The following MBNL3 variants were observed in gnomAD, a reference collection of about 807,000 sequenced individuals.
MBNL3 encodes the protein muscleblind like splicing regulator 3.
MBNL3 carries 6 observed loss-of-function variants against 24.5 expected under a neutral mutation model. The ratio of observed to expected loss-of-function variants is 0.25; its 90% CI spans 0.13 to 0.48. The LOEUF is 0.48. Among genes scored for constraint, MBNL3 ranks in the 20% least tolerant of loss-of-function variants. MBNL3 has a pLI of 0.99. For missense variants in MBNL3, 230 were observed against 293.5 expected (o/e 0.78, Z 1.58); for synonymous variants, 100 against 101.7 (o/e 0.98, Z 0.10).
intron 1 of MBNL3, among the ~76,000 whole-genome samples, chrX:132,483,687 G>A (rs914191745): frequency 8.9e-6 from 1 of 112,099 alleles, no homozygotes; most frequent in South Asian, 3.7e-4. Context: ...AATTGCAAGC[G>A]CTAAACCTAA....
Position 132,382,205 on chromosome X carries a change from C to T in MBNL3, c.1026G>A (p.Pro342=), listed in dbSNP as rs776794590. The change falls in exon 8 of 9, where the codon CCG becomes CCA. Residue 342 remains proline, a synonymous_variant. Coordinates refer to ENST00000370853, the MANE Select transcript of MBNL3 (RefSeq NM_001386889.1). ...SAATTPATSV[P]FAAPTTGNQL... is the part of the protein sequence containing the mutation. The stretch of plus-strand genomic sequence containing the variant: ...GATTGCCTGTAGTTGGTGCAGCGAA[C>T]GGAACGCTGGTGGCAGGTGTTGTTG... The T allele has an allele frequency of 1.7e-6, 2 of 1,210,492 alleles. No homozygotes were observed. Among genetic ancestry groups the T allele is most frequent in the Non-Finnish European group, 2.2e-6 (2 of 894,690 alleles).
intron 1 of MBNL3, among the ~76,000 whole-genome samples, chrX:132,443,011 T>G (rs1208973149): frequency 1.8e-5 from 2 of 112,161 alleles, no homozygotes; most frequent in Admixed American, 9.5e-5. Context: ...AGTTTTGTTT[T>G]GGGGATAATA....
intron 1 of MBNL3, among the ~76,000 whole-genome samples, chrX:132,462,038 G>A (rs895471442): frequency 9.0e-6 from 1 of 111,710 alleles, no homozygotes; most frequent in Non-Finnish European, 1.9e-5. Context: ...ATGATCTACA[G>A]GCCAACTCCC....
chrX:132,412,007 A>G (rs750113437), intron 2 of MBNL3, among the ~76,000 whole-genome samples: 2 of 111,937 alleles, frequency 1.8e-5, no homozygotes, highest in East Asian at 5.6e-4. Context: ...TAGTCAACAC[A>G]TGACTGAGGC....
intron 1 of MBNL3, among the ~76,000 whole-genome samples, chrX:132,454,834 G>T (rs1946290963): frequency 8.9e-6 from 1 of 112,326 alleles, no homozygotes; most frequent in Admixed American, 9.4e-5. Flanking sequence ...AATGCTGGGA[G>T]CACAGACAGG....
chrX:132,463,160 T>A, intron 1 of MBNL3, among the ~76,000 whole-genome samples: 1 of 112,774 alleles, frequency 8.9e-6, no homozygotes, highest in East Asian at 2.8e-4. Flanking sequence ...ACTTGGAAGC[T>A]GATTGAATAT....
At chrX:132,430,267 A>G (rs1468319753) in intron 2 of MBNL3, 1 of 111,602 alleles carries the variant, frequency 9.0e-6, no homozygotes, top group Non-Finnish European at 1.9e-5. Context: ...CAAAAATAAT[A>G]CCTGGAGTCC....
At chrX:132,449,293 G>A (rs1945915527) in intron 1 of MBNL3, among the ~76,000 whole-genome samples, 1 of 110,584 alleles carries the variant, frequency 9.0e-6, no homozygotes, top group Non-Finnish European at 1.9e-5. Context: ...AGGTCTCTAA[G>A]AACTTGCTTT....
Position 132,439,724 on chromosome X carries a change from G to A in MBNL3, c.-113C>T. The A allele has an allele frequency of 9.8e-7, 1 of 1,024,007 alleles. No individual in the cohort carries two copies. The allele number at this position is 1,024,007 out of a possible 1,213,427, so 84.4% of individuals were successfully genotyped here. Reference sequence around the variant, plus strand: ...GTGCGAAGAGATAACAGGTTGCTTTGGTGAAATGTCTATTTGTTAACACTT... The same window carrying A: ...GTGCGAAGAGATAACAGGTTGCTTTAGTGAAATGTCTATTTGTTAACACTT... On this transcript the variant is annotated 5_prime_UTR_variant, in exon 2 of 9. Transcript: ENST00000370853.
At chrX:132,437,992 A>G in intron 2 of MBNL3, 2 of 414,376 alleles carry the variant, frequency 4.8e-6, no homozygotes, top group Non-Finnish European at 6.1e-6. Context: ...GAAATAAGTA[A>G]AAGTAACCCT....
chrX:132,414,415 G>A (rs190266790), intron 2 of MBNL3, among the ~76,000 whole-genome samples: 1 of 112,076 alleles, frequency 8.9e-6, no homozygotes, highest in Non-Finnish European at 1.9e-5. Context: ...AGCTGGAAAG[G>A]CTCTTAGAGA....
At chrX:132,450,596 C>T (rs543460161) in intron 1 of MBNL3, among the ~76,000 whole-genome samples, 29 of 112,302 alleles carry the variant, frequency 2.6e-4, no homozygotes, top group African/African-American at 9.0e-4. Flanking sequence ...AGCTTCCTTG[C>T]ATTGGGTTAG....
chrX:132,456,757 C>G (rs1946394279), intron 1 of MBNL3, among the ~76,000 whole-genome samples: 1 of 111,682 alleles, frequency 9.0e-6, no homozygotes, highest in Admixed American at 9.5e-5. Flanking sequence ...TTCCCCCACC[C>G]CAGATTCCTG....
chrX:132,404,633 GAA>G (rs1941489244), intron 3 of MBNL3, among the ~76,000 whole-genome samples: 1 of 111,539 alleles, frequency 9.0e-6, no homozygotes, highest in Admixed American at 9.5e-5. Context: ...AGACATTCTG[GAA>G]AAAGAGTATG....
In MBNL3 at chrX:132,401,585, T is replaced by C. The variant is rs770047340; in HGVS notation, c.342+4643A>G. On this transcript the variant is annotated intron_variant, in intron 3 of 8. Transcript: ENST00000370853. ...ATGATCATGCCACTGCACTCCAGCC[T>C]GGTCCACAGAGTGATACCGTGTCTC... 6.5e-5 allele frequency among the ~76,000 whole-genome samples: 7 copies of C among 107,274 alleles called. No individual in the cohort carries two copies. The South Asian group carries it at 3.0e-3, about 46-fold the overall frequency. 93.2% of individuals were successfully genotyped at this position (107,274 alleles called of 115,157 possible). A position where few individuals can be genotyped will look rare whatever the true frequency, so the allele number is the denominator to read the frequency against.
chrX:132,418,046 A>T (rs73556169), intron 2 of MBNL3, among the ~76,000 whole-genome samples: 192 of 112,309 alleles, frequency 1.7e-3, no homozygotes, highest in African/African-American at 6.0e-3. Context: ...ATCACTTATG[A>T]ATAAGCTGCA....
At chrX:132,403,479 T>C (rs1319521744) in intron 3 of MBNL3, among the ~76,000 whole-genome samples, 2 of 112,151 alleles carry the variant, frequency 1.8e-5, no homozygotes, top group Middle Eastern at 9.2e-3. Context: ...CTGTGAATCA[T>C]AGCAGTCATC....
Position 132,392,177 on chromosome X carries a change from A to G in MBNL3, c.500T>C (p.Val167Ala), listed in dbSNP as rs768478546. The part of the protein sequence containing the change: ...GNPPLAMPGA[V>A]GPKLMRSDKL... ...ATCTGAACGCATCAGTTTTGGGCCA[A>G]CAGCTCCTGGCATTGCAAGAGGTGG... The change falls in exon 4 of 9, where the codon GTT becomes GCT. Residue 167 changes from valine to alanine, a missense_variant. Transcript: ENST00000370853. The G allele has an allele frequency of 1.2e-5, 15 of 1,208,094 alleles. No individual in the cohort carries two copies. The highest frequency in any genetic ancestry group is 1.7e-5 in the African/African-American group (1 of 57,628).
At chrX:132,469,372 T>A (rs147536711) in intron 1 of MBNL3, among the ~76,000 whole-genome samples, 6,109 of 112,481 alleles carry the variant, frequency 0.054, 149 homozygotes, top group Middle Eastern at 0.089. Context: ...GTTGTGCACA[T>A]CTGTCATATG....
Sources: allele counts gnomAD v4.1 joint callset (sites outside exome capture counted in the v4.1 genomes callset), GRCh38; gene constraint gnomAD v4.1.1; transcripts MANE v1.5; gene names NCBI Gene and HGNC (gene_info 2026-07-23, HGNC 2026-07-21).